ZNF438: variants seen among roughly 807,000 people sequenced by gnomAD.
ZNF438 encodes the protein zinc finger protein 438.
ZNF438 carries 25 observed loss-of-function variants against 38.0 expected under a neutral mutation model. The ratio of observed to expected loss-of-function variants is 0.66; its 90% confidence interval spans 0.48 to 0.92. The LOEUF is 0.92. Among genes scored for constraint, ZNF438 ranks in the 40% least tolerant of loss-of-function variants. The pLI, the probability that ZNF438 is intolerant of heterozygous loss-of-function variation, is 0.00. For synonymous variants in ZNF438, 372 were observed against 364.1 expected, an observed-to-expected ratio of 1.02 and a Z score of -0.25; for missense variants, 1,007 against 999.6, an observed-to-expected ratio of 1.01 and a Z score of -0.10.
intron 1 of ZNF438, among the ~76,000 whole-genome samples, chr10:30,984,723 T>C (rs569768546): frequency 2.3e-4 from 35 of 152,350 alleles, no homozygotes; most frequent in African/African-American, 8.2e-4. Flanking sequence ...TTCTTTTCCA[T>C]GTGCATAATA....
chr10:30,951,387 A>G (rs945244031), intron 1 of ZNF438, among the ~76,000 whole-genome samples: 1 of 150,920 alleles, frequency 6.6e-6, no homozygotes, highest in African/African-American at 2.4e-5. Flanking sequence ...TAGTGTTGGA[A>G]GTTCTGGCCA....
At chr10:30,950,281 C>G (rs926144950) in intron 1 of ZNF438, among the ~76,000 whole-genome samples, 1 of 151,774 alleles carries the variant, frequency 6.6e-6, no homozygotes, top group Admixed American at 6.6e-5. Context: ...CACTAAATGC[C>G]CACAAGAGAA....
intron 5 of ZNF438, among the ~76,000 whole-genome samples, chr10:30,845,922 C>T (rs1186002970): frequency 6.6e-6 from 1 of 152,218 alleles, no homozygotes; most frequent in Non-Finnish European, 1.5e-5. Context: ...GGAACACCCT[C>T]GGTTCTGTTG....
intron 1 of ZNF438, among the ~76,000 whole-genome samples, chr10:30,997,608 A>T (rs1176830239): frequency 1.3e-5 from 2 of 150,712 alleles, no homozygotes; most frequent in African/African-American, 4.9e-5. Flanking sequence ...GGAGGAGTGA[A>T]GGGCCATGAA....
rs377061137 is a variant in ZNF438, at chr10:30,880,008, G to A, written c.-31-2943C>T. Among the ~76,000 whole-genome samples the A allele has an allele frequency of 1.8e-4, 27 of 151,754 alleles. 2 individuals are homozygous for A. The highest frequency in any genetic ancestry group is 5.6e-4 in the African/African-American group (23 of 41,352). On this transcript the variant is annotated intron_variant, in intron 3 of 5. Coordinates refer to ENST00000413025, the Ensembl canonical transcript of ZNF438. Reference sequence around the variant, plus strand: ...CACGAGAAACATGAAAACATATTAAGGTATATCATTGCCAAACTGCTCAAA... The same window carrying A: ...CACGAGAAACATGAAAACATATTAAAGTATATCATTGCCAAACTGCTCAAA...
At chr10:31,017,157 T>C (rs746557733) in intron 1 of ZNF438, among the ~76,000 whole-genome samples, 21 of 152,258 alleles carry the variant, frequency 1.4e-4, no homozygotes, top group Non-Finnish European at 2.8e-4. Context: ...CACACATTTT[T>C]ATCAATGATG....
intron 1 of ZNF438, among the ~76,000 whole-genome samples, chr10:30,942,530 A>G (rs1005668035): frequency 6.6e-6 from 1 of 152,252 alleles, no homozygotes; most frequent in Non-Finnish European, 1.5e-5. Context: ...CTAAACAATT[A>G]TGCAAGACTG....
At chr10:31,013,825 T>C (rs2055953323) in intron 1 of ZNF438, among the ~76,000 whole-genome samples, 1 of 152,158 alleles carries the variant, frequency 6.6e-6, no homozygotes, top group Non-Finnish European at 1.5e-5. Context: ...CAAACTAATA[T>C]ACATCCCCAG....
chr10:31,017,613 C>T (rs372125232), intron 1 of ZNF438, among the ~76,000 whole-genome samples: 2 of 152,366 alleles, frequency 1.3e-5, no homozygotes, highest in South Asian at 2.1e-4. Context: ...CCTGTTTTAT[C>T]TGCTGGCCTC....
At chr10:30,935,746 G>A (rs958466359) in intron 2 of ZNF438, among the ~76,000 whole-genome samples, 1 of 152,208 alleles carries the variant, frequency 6.6e-6, no homozygotes, top group Non-Finnish European at 1.5e-5. Context: ...CATGGCAAAA[G>A]GAAGCAGGCA....
At chr10:30,990,296 AAAAT>A (rs1325768069) in intron 1 of ZNF438, among the ~76,000 whole-genome samples, 4 of 152,216 alleles carry the variant, frequency 2.6e-5, no homozygotes, top group African/African-American at 4.8e-5. Context: ...ATAAATGAAA[AAAAT>A]AAAAAGAATT....
chr10:30,862,846 A>C (rs1194359085), intron 4 of ZNF438, among the ~76,000 whole-genome samples: 1 of 152,270 alleles, frequency 6.6e-6, no homozygotes, highest in East Asian at 1.9e-4. Context: ...ATGTTTCAAA[A>C]TGCAGGGAAC....
chr10:31,026,597 G>A (rs1183888445), intron 1 of ZNF438, among the ~76,000 whole-genome samples: 3 of 152,208 alleles, frequency 2.0e-5, no homozygotes, highest in Non-Finnish European at 2.9e-5. Context: ...AACAACAGGT[G>A]CTGGAGAGGA....
chr10:31,006,734 G>A (rs930604265), intron 1 of ZNF438, among the ~76,000 whole-genome samples: 20 of 141,244 alleles, frequency 1.4e-4, no homozygotes, highest in African/African-American at 4.7e-4. Context: ...AAGGCAACCC[G>A]AGTGGTGTCT....
chr10:30,895,230 TC>T (rs557289233), intron 3 of ZNF438, among the ~76,000 whole-genome samples: 25 of 152,358 alleles, frequency 1.6e-4, no homozygotes, highest in African/African-American at 6.0e-4. Flanking sequence ...TATTTCTAGA[TC>T]CACTCCTCCA....
chr10:31,000,368 A>G (rs747987282), intron 1 of ZNF438, among the ~76,000 whole-genome samples: 63 of 152,254 alleles, frequency 4.1e-4, no homozygotes, highest in Admixed American at 7.2e-4. Flanking sequence ...CCACTGCCAG[A>G]CCTATTGAAT....
chr10:30,900,638 G>C (rs2041868421), intron 3 of ZNF438, among the ~76,000 whole-genome samples: 1 of 152,192 alleles, frequency 6.6e-6, no homozygotes, highest in African/African-American at 2.4e-5. Context: ...TTCAGGCAGA[G>C]AGAGATTAAG....
intron 1 of ZNF438, among the ~76,000 whole-genome samples, chr10:30,996,402 G>A (rs1321521129): frequency 1.3e-5 from 2 of 152,042 alleles, no homozygotes; most frequent in Non-Finnish European, 2.9e-5. Context: ...TAGGTTGAAA[G>A]TAAAAGCTAT....
intron 1 of ZNF438, among the ~76,000 whole-genome samples, chr10:30,981,361 C>A (rs115823894): frequency 2.0e-5 from 3 of 152,130 alleles, no homozygotes; most frequent in Admixed American, 2.0e-4. Flanking sequence ...AAGTTTACTA[C>A]GTGTTTATGG....
Sources: allele counts gnomAD v4.1 joint callset (sites outside exome capture counted in the v4.1 genomes callset), GRCh38; gene constraint gnomAD v4.1.1; transcripts MANE v1.5; gene names NCBI Gene and HGNC (gene_info 2026-07-23, HGNC 2026-07-21).